The following USP7 variants were observed in gnomAD, a reference collection of about 807,000 sequenced individuals.
The protein encoded by USP7 is ubiquitin specific peptidase 7.
Under a neutral mutation model 162.9 loss-of-function variants are expected in USP7, and 9 were observed. The observed-to-expected ratio is 0.06, with a 90% CI of 0.03 to 0.10. The LOEUF (loss-of-function observed/expected upper bound fraction) is 0.10. Ranked by LOEUF, USP7 falls within the 10% of genes least tolerant of loss-of-function variation. The pLI, the probability that USP7 is intolerant of heterozygous loss-of-function variation, is 1.00. For synonymous variants in USP7, 562 were observed against 475.9 expected (o/e 1.18, Z -2.35); for missense variants, 715 against 1,373.7 (o/e 0.52, Z 7.58).
At position 8,931,190 on chromosome 16, in the gene USP7, C is replaced by CTT. The variant is rs1239283546; in HGVS notation, c.80-795_80-794dup. Among the ~76,000 whole-genome samples, 118 of 144,576 alleles carry CTT rather than the reference C, an allele frequency of 8.2e-4. No individual in the cohort carries two copies. In the Middle Eastern group the frequency reaches 0.011, roughly 13 times the overall value. 94.8% of individuals were successfully genotyped at this position (144,576 alleles called of 152,430 possible). A position where few individuals can be genotyped will look rare whatever the true frequency, so the allele number is the denominator to read the frequency against. ...ACGTTTTCATCATGAACACATGCAT[C>CTT]TTTTTTTTTTTTTTCTGAGACAGAG... On this transcript the variant is annotated intron_variant, in intron 1 of 30. Coordinates refer to ENST00000344836, the MANE Select transcript of USP7 (RefSeq NM_003470.3).
At chr16:8,926,207 G>T (rs998070680) in intron 2 of USP7, among the ~76,000 whole-genome samples, 1 of 151,930 alleles carries the variant, frequency 6.6e-6, no homozygotes, top group Non-Finnish European at 1.5e-5. Flanking sequence ...GCCGGGCGCG[G>T]TGGTTCGCGC....
chr16:8,900,800 T>A (rs1596354419), intron 20 of USP7, 170 bp from the exon 21 acceptor site: 3 of 714,894 alleles, frequency 4.2e-6, no homozygotes, highest in Non-Finnish European at 6.8e-6. Context: ...TATGTAACAA[T>A]CAGATTTGAT....
intron 13 of USP7, 139 bp from the exon 14 acceptor site, chr16:8,905,470 A>C: frequency 9.5e-7 from 1 of 1,047,302 alleles, no homozygotes; most frequent in Non-Finnish European, 1.4e-6. Flanking sequence ...GTTCTTATAC[A>C]GGCACACAAT....
chr16:8,952,058 G>T (rs1363234006), intron 1 of USP7, among the ~76,000 whole-genome samples: 1 of 107,122 alleles, frequency 9.3e-6, no homozygotes, highest in Non-Finnish European at 1.9e-5. Context: ...GCAGGAGGGT[G>T]TTTAAATAAA....
At chr16:8,939,962 G>A (rs949616253) in intron 1 of USP7, among the ~76,000 whole-genome samples, 3 of 152,186 alleles carry the variant, frequency 2.0e-5, no homozygotes, top group African/African-American at 7.2e-5. Context: ...GCCAAGCATG[G>A]TGGCACATGC....
At chr16:8,928,705 T>C (rs1898151486) in intron 2 of USP7, among the ~76,000 whole-genome samples, 2 of 152,176 alleles carry the variant, frequency 1.3e-5, no homozygotes, top group Non-Finnish European at 2.9e-5. Context: ...CTACGGAAGA[T>C]TACTCAACCT....
chr16:8,901,077 T>C lies in USP7; in HGVS notation c.2141-20A>G, dbSNP rs1319699272. The C allele has an allele frequency of 6.2e-7, 1 of 1,614,018 alleles. No homozygotes were observed. Among genetic ancestry groups the C allele is most frequent in the Admixed American group, 1.7e-5 (1 of 59,996 alleles). On this transcript the variant is annotated intron_variant, in intron 19 of 30. Coordinates refer to ENST00000344836, the MANE Select transcript of USP7 (RefSeq NM_003470.3). ...AGTCACCTAGGAGAAAGAAGATATT[T>C]TAAATGTGTAGCTGTAATGTACTGA...
chr16:8,949,187 AATC>A (rs1158896736), intron 1 of USP7, among the ~76,000 whole-genome samples: 1 of 152,256 alleles, frequency 6.6e-6, no homozygotes, highest in African/African-American at 2.4e-5. Context: ...TTATTTTAAA[AATC>A]ATGATTGTTA....
At chr16:8,896,715 G>C (rs2061686394) in intron 26 of USP7, among the ~76,000 whole-genome samples, 1 of 152,174 alleles carries the variant, frequency 6.6e-6, no homozygotes, top group Non-Finnish European at 1.5e-5. Context: ...GTTATCAGAA[G>C]ATACAAGGGG....
chr16:8,900,963 A>C, intron 20 of USP7, 27 bp downstream of exon 20: 1 of 1,607,744 alleles, frequency 6.2e-7, no homozygotes, highest in Non-Finnish European at 8.5e-7. Flanking sequence ...AGAATATACT[A>C]ATTATGGAAA....
chr16:8,894,925 G>A (rs1008775119), intron 28 of USP7, 70 bp from the exon 29 acceptor site: 22 of 1,613,376 alleles, frequency 1.4e-5, no homozygotes, highest in Middle Eastern at 1.7e-4. Context: ...CGTGGCAGCC[G>A]CCAAAACCAA....
chr16:8,899,177 T>A lies in USP7; in HGVS notation c.2475A>T (p.Thr825=), dbSNP rs769634736. ...NRMNYFQVAK[T]VAQRLNTDPM... ...GATCTGTGTTGAGCCTCTGTGCAACTGTCTTTGCAACCTAAGACACAGAAA... is the reference window on the plus strand; with the variant it reads ...GATCTGTGTTGAGCCTCTGTGCAACAGTCTTTGCAACCTAAGACACAGAAA... Residue 825 remains threonine, a synonymous_variant, in exon 23 of 31, where the codon ACA becomes ACT. Coordinates refer to ENST00000344836, the MANE Select transcript of USP7 (RefSeq NM_003470.3). 2 of 1,614,180 alleles carry A rather than the reference T, an allele frequency of 1.2e-6. No individual in the cohort carries two copies. The highest frequency in any genetic ancestry group is 2.2e-5 in the East Asian group (1 of 44,888).
intron 2 of USP7, among the ~76,000 whole-genome samples, chr16:8,923,687 A>G (rs1331454446): frequency 6.6e-6 from 1 of 152,188 alleles, no homozygotes; most frequent in Non-Finnish European, 1.5e-5. Context: ...AACAATGTCT[A>G]CTTTACTAAA....
chr16:8,910,408 A>T (rs1033225902), intron 11 of USP7, among the ~76,000 whole-genome samples: 1 of 152,214 alleles, frequency 6.6e-6, no homozygotes, highest in Non-Finnish European at 1.5e-5. Context: ...ACACAGTCCA[A>T]CTTACTAAGA....
At chr16:8,943,397 G>A (rs147436937) in intron 1 of USP7, among the ~76,000 whole-genome samples, 30 of 151,452 alleles carry the variant, frequency 2.0e-4, no homozygotes, top group African/African-American at 6.9e-4. Flanking sequence ...GCAGCACAAT[G>A]CAAGTAGAAG....
At chr16:8,912,463 G>T (rs1418630530) in intron 10 of USP7, among the ~76,000 whole-genome samples, 1 of 142,562 alleles carries the variant, frequency 7.0e-6, no homozygotes, top group Non-Finnish European at 1.6e-5. Flanking sequence ...AAAAAAAAAA[G>T]AAAGAAAAAA....
chr16:8,910,493 G>A (rs543233697), intron 11 of USP7, among the ~76,000 whole-genome samples: 1 of 152,258 alleles, frequency 6.6e-6, no homozygotes, highest in Admixed American at 6.5e-5. Context: ...ACGGGGAAAG[G>A]ACAAGATGCC....
At chr16:8,923,463 G>T (rs1254855460) in intron 2 of USP7, 50 bp from the exon 3 acceptor site, 3 of 1,588,038 alleles carry the variant, frequency 1.9e-6, no homozygotes, top group Admixed American at 1.7e-5. Flanking sequence ...TTGACCAAAA[G>T]CACTAGCATT....
chr16:8,938,094 GCAAAGGCAC>G (rs1898850767), intron 1 of USP7, among the ~76,000 whole-genome samples: 2 of 152,068 alleles, frequency 1.3e-5, no homozygotes, highest in African/African-American at 4.8e-5. Flanking sequence ...AGCTGGACTG[GCAAAGGCAC>G]TGCCACAAGA....
Sources: allele counts gnomAD v4.1 joint callset (sites outside exome capture counted in the v4.1 genomes callset), GRCh38; gene constraint gnomAD v4.1.1; transcripts MANE v1.5; gene names NCBI Gene and HGNC (gene_info 2026-07-23, HGNC 2026-07-21).